Variants in TSTD2 observed in about 807,000 individuals in gnomAD.
The protein encoded by TSTD2 is thiosulfate sulfurtransferase/rhodanese-like domain-containing protein 2.
In TSTD2, 37 loss-of-function variants were observed where a neutral mutation model predicts 47.9. The observed-to-expected ratio is 0.77, with a 90% CI of 0.59 to 1.02. The LOEUF (loss-of-function observed/expected upper bound fraction) is 1.02, where lower values mean the gene tolerates loss of function less well. TSTD2 is among the 50% of genes least tolerant of loss of function. The pLI, the probability that TSTD2 is intolerant of heterozygous loss-of-function variation, is 0.00. For synonymous variants in TSTD2, 201 were observed against 215.9 expected, an observed-to-expected ratio of 0.93 and a Z score of 0.61; for missense variants, 586 against 616.0, an observed-to-expected ratio of 0.95 and a Z score of 0.52.
chr9:97,601,141 G>C lies in TSTD2; in HGVS notation c.*1328C>G, dbSNP rs1186629958. ...TGAGGCTGCACATGGCCCAGGAGTG[G>C]CACCATGTTGCAGGGACAACCATCC... On this transcript the variant is annotated 3_prime_UTR_variant, in exon 10 of 10. Coordinates refer to ENST00000341170, the MANE Select transcript of TSTD2 (RefSeq NM_139246.5). The C allele has an allele frequency of 7.7e-7, 1 of 1,303,840 alleles. No individual in the cohort carries two copies. The highest frequency in any genetic ancestry group is 1.0e-6 in the Non-Finnish European group (1 of 988,766). The allele number at this position is 1,303,840 out of a possible 1,614,324, so 80.8% of individuals were successfully genotyped here.
chr9:97,601,401 C>T lies in TSTD2; in HGVS notation c.*1068G>A, dbSNP rs969279514. On this transcript the variant is annotated 3_prime_UTR_variant, in exon 10 of 10. Transcript: ENST00000341170. ...CCAGGTGCTGATCTAAAAACTGTGG[C>T]TCAAATGTCACCGAGCTTATATGAA... The T allele has an allele frequency of 9.6e-7, 1 of 1,039,996 alleles. No individual in the cohort carries two copies. Among genetic ancestry groups the T allele is most frequent in the South Asian group, 3.0e-5 (1 of 33,786 alleles). The allele number at this position is 1,039,996 out of a possible 1,614,324, so 64.4% of individuals were successfully genotyped here. A position where few individuals can be genotyped will look rare whatever the true frequency, so the allele number is the denominator to read the frequency against.
chr9:97,625,077 C>T (rs1018332027), intron 3 of TSTD2, among the ~76,000 whole-genome samples: 7 of 152,078 alleles, frequency 4.6e-5, no homozygotes, highest in Non-Finnish European at 5.9e-5. Context: ...ACTATCAAAA[C>T]CAGAACATTT....
In TSTD2 at chr9:97,627,582, G is replaced by A. The variant is rs373529445; in HGVS notation, c.-20C>T. On this transcript the variant is annotated 5_prime_UTR_variant, in exon 2 of 10. Transcript: ENST00000341170. Reference sequence around the variant, plus strand: ...AGGCATCTGGTTTGGTTGCAACAGTGAAGCAGATATTCCTTTCAGTTAAAT... The same window carrying A: ...AGGCATCTGGTTTGGTTGCAACAGTAAAGCAGATATTCCTTTCAGTTAAAT... 3.8e-6 allele frequency: 6 copies of A among 1,575,948 alleles called. No homozygotes were observed. Among genetic ancestry groups the A allele is most frequent in the Non-Finnish European group, 5.2e-6 (6 of 1,157,004 alleles).
chr9:97,602,670 T>C lies in TSTD2; in HGVS notation c.1350A>G (p.Gln450=). ...LVLTCPACQG[Q]GFTACCVTCQ... ...ATGTGACACAACAGGCTGTGAATCC[T>C]TGTCCTTGACAGGCAGGGCAGGTCA... The change falls in exon 10 of 10, where the codon CAA becomes CAG. Residue 450 remains glutamine (Q), a synonymous_variant. Transcript: ENST00000341170. The C allele has an allele frequency of 6.2e-7, 1 of 1,614,220 alleles. No homozygotes were observed. The highest frequency in any genetic ancestry group is 8.5e-7 in the Non-Finnish European group (1 of 1,180,038).
At position 97,600,105 on chromosome 9, in the gene TSTD2, T is replaced by A; in HGVS notation, c.*2364A>T. 1 of 1,007,626 alleles carries A rather than the reference T, an allele frequency of 9.9e-7. No homozygotes were observed. Among genetic ancestry groups the A allele is most frequent in the South Asian group, 4.2e-5 (1 of 23,732 alleles). 62.4% of individuals were successfully genotyped at this position (1,007,626 alleles called of 1,614,324 possible). ...TGCTTTTGAAGTATTATAAAACACTTTATTACAAATTTGTCTTAGCTATTA... is the reference window on the plus strand; with the variant it reads ...TGCTTTTGAAGTATTATAAAACACTATATTACAAATTTGTCTTAGCTATTA... On this transcript the variant is annotated 3_prime_UTR_variant, in exon 10 of 10. Transcript: ENST00000341170.
chr9:97,603,838 A>G (rs1336879524), intron 9 of TSTD2, among the ~76,000 whole-genome samples: 1 of 152,134 alleles, frequency 6.6e-6, no homozygotes, highest in African/African-American at 2.4e-5. Context: ...TATCTGGTAC[A>G]CACCACCATG....
intron 1 of TSTD2, among the ~76,000 whole-genome samples, chr9:97,631,242 G>A (rs895747215): frequency 1.4e-4 from 22 of 151,856 alleles, no homozygotes; most frequent in African/African-American, 4.8e-4. Flanking sequence ...TCAGCCTCCC[G>A]AGTAGCTGGG....
At chr9:97,612,436 C>T (rs569664162) in intron 4 of TSTD2, among the ~76,000 whole-genome samples, 7 of 152,342 alleles carry the variant, frequency 4.6e-5, no homozygotes, top group Non-Finnish European at 8.8e-5. Context: ...TCTTCCACAA[C>T]GGTTGAGCTA....
At position 97,617,808 on chromosome 9, in the gene TSTD2, C is replaced by G; in HGVS notation, c.552G>C (p.Trp184Cys). The G allele has an allele frequency of 1.9e-6, 3 of 1,614,154 alleles. 1 individual carries two copies. In the African/African-American group the frequency reaches 4.0e-5, roughly 22 times the overall value. Residue 184 changes from tryptophan (W) to cysteine (C), a missense_variant, in exon 4 of 10, where the codon TGG (tryptophan) becomes TGC (cysteine). Coordinates refer to ENST00000341170, the MANE Select transcript of TSTD2 (RefSeq NM_139246.5). ...YCYHDLEDPQ[W>C]ICAWQTALCQ... ...ACAGAGCTGTCTGCCAGGCACAGAT[C>G]CATTGGGGATCCTCCAGGTCATGGT... is the stretch of plus-strand genomic sequence containing the variant.
chr9:97,625,449 G>A (rs1826703196), intron 3 of TSTD2, among the ~76,000 whole-genome samples: 1 of 152,086 alleles, frequency 6.6e-6, no homozygotes, highest in African/African-American at 2.4e-5. Context: ...CCAGGAGTGG[G>A]CCACAGGAAC....
At chr9:97,629,455 G>A (rs1308890505) in intron 1 of TSTD2, among the ~76,000 whole-genome samples, 1 of 152,054 alleles carries the variant, frequency 6.6e-6, no homozygotes, top group African/African-American at 2.4e-5. Flanking sequence ...GGCTCAAAAT[G>A]AGCTTTGTTA....
chr9:97,627,361 C>A (rs770218829), intron 2 of TSTD2, 37 bp downstream of exon 2: 1 of 1,560,112 alleles, frequency 6.4e-7, no homozygotes, highest in Non-Finnish European at 8.7e-7. Context: ...GCGTTAACCA[C>A]ACATACATGA....
In TSTD2 at chr9:97,626,014, A is replaced by G; in HGVS notation, c.166-17T>C. The stretch of plus-strand genomic sequence containing the variant: ...GGCAAAGGCCTGCAATTAGATTTCA[A>G]ATGCTAACACTGTTAAATAACCTTA... On this transcript the variant is annotated splice_polypyrimidine_tract_variant and intron_variant, in intron 2 of 9. Coordinates refer to ENST00000341170, the MANE Select transcript of TSTD2 (RefSeq NM_139246.5). The G allele has an allele frequency of 6.3e-7, 1 of 1,598,216 alleles. No individual in the cohort carries two copies. The highest frequency in any genetic ancestry group is 8.5e-7 in the Non-Finnish European group (1 of 1,173,780).
rs774683481 is a variant in TSTD2 at position 97,625,799 on chromosome 9, A to T, written c.364T>A (p.Ser122Thr). Reference protein sequence around the residue: ...LKQLAVTLSTSKSLSSADEKN... With the variant: ...LKQLAVTLSTTKSLSSADEKN... The stretch of plus-strand genomic sequence containing the variant: ...TCATCTGCAGACGAAAGACTCTTTG[A>T]GGTGCTCAATGTCACAGCCAGTTGC... Residue 122 changes from serine to threonine, a missense_variant, in exon 3 of 10, where the codon TCA (serine) becomes ACA (threonine). Coordinates refer to ENST00000341170, the MANE Select transcript of TSTD2 (RefSeq NM_139246.5). The T allele has an allele frequency of 3.1e-6, 5 of 1,614,164 alleles. No homozygotes were observed. The highest frequency in any genetic ancestry group is 3.4e-6 in the Non-Finnish European group (4 of 1,179,992).
At chr9:97,622,093 C>T (rs1028948895) in intron 3 of TSTD2, among the ~76,000 whole-genome samples, 7 of 152,132 alleles carry the variant, frequency 4.6e-5, no homozygotes, top group Admixed American at 6.5e-5. Context: ...AAAGAACCTA[C>T]GTTGACATAT....
At chr9:97,613,316 CA>C in intron 4 of TSTD2, among the ~76,000 whole-genome samples, 1 of 152,302 alleles carries the variant, frequency 6.6e-6, no homozygotes, top group Admixed American at 6.5e-5. Context: ...CACTGGAATA[CA>C]AGTTCCACAT....
intron 4 of TSTD2, among the ~76,000 whole-genome samples, chr9:97,613,473 T>C (rs897199443): frequency 1.3e-5 from 2 of 151,940 alleles, no homozygotes; most frequent in African/African-American, 2.4e-5. Flanking sequence ...CTCTTTGAAA[T>C]GCTCCCCTGG....
intron 2 of TSTD2, 74 bp from the exon 3 acceptor site, chr9:97,626,071 T>G (rs879042880): frequency 7.1e-7 from 1 of 1,402,742 alleles, no homozygotes; most frequent in African/African-American, 1.4e-5. Flanking sequence ...TCACTAAGAT[T>G]CTTTAGATTA....
intron 4 of TSTD2, among the ~76,000 whole-genome samples, chr9:97,614,507 A>G (rs1458510237): frequency 1.3e-5 from 2 of 152,232 alleles, no homozygotes; most frequent in Non-Finnish European, 2.9e-5. Context: ...CTTATAAATG[A>G]AGATTATACT....
Sources: allele counts gnomAD v4.1 joint callset (sites outside exome capture counted in the v4.1 genomes callset), GRCh38; gene constraint gnomAD v4.1.1; transcripts MANE v1.5; gene names NCBI Gene and HGNC (gene_info 2026-07-23, HGNC 2026-07-21).